MPP2: variants seen among roughly 807,000 people sequenced by gnomAD.
MPP2 encodes the protein MAGUK p55 subfamily member 2.
In MPP2, 42 loss-of-function variants were observed where a neutral mutation model predicts 58.5. That is an observed-to-expected ratio of 0.72 (90% CI 0.56 to 0.93). The LOEUF is 0.93. Among genes scored for constraint, MPP2 ranks in the 40% least tolerant of loss-of-function variants. MPP2 has a pLI of 0.00. For missense variants in MPP2, 632 were observed against 760.4 expected (o/e 0.83, Z 1.99); for synonymous variants, 300 against 307.8 (o/e 0.97, Z 0.26).
At chr17:43,892,005 G>A (rs2047627599) in intron 3 of MPP2, among the ~76,000 whole-genome samples, 1 of 152,182 alleles carries the variant, frequency 6.6e-6, no homozygotes, top group African/African-American at 2.4e-5. Context: ...GTCTGTAGCT[G>A]GAACACCTGC....
In MPP2 at chr17:43,881,494, G is replaced by C; in HGVS notation, c.777C>G (p.Leu259=). The C allele has an allele frequency of 6.2e-7, 1 of 1,614,172 alleles. No homozygotes were observed. Among genetic ancestry groups the C allele is most frequent in the Non-Finnish European group, 8.5e-7 (1 of 1,180,012 alleles). The change falls in exon 7 of 13, where the codon CTC becomes CTG. Residue 259 remains leucine (L), a synonymous_variant. Transcript: ENST00000269095. ...AGLRFNAGDL[L]QIVNQDDANW... ...TGGCATCATCCTGGTTTACGATCTGGAGCAAGTCCCCGGCGTTGAAGCGCA... is the reference window on the plus strand; with the variant it reads ...TGGCATCATCCTGGTTTACGATCTGCAGCAAGTCCCCGGCGTTGAAGCGCA...
upstream of MPP2, chr17:43,909,647 T>G (rs557592005): frequency 5.0e-5 from 71 of 1,424,098 alleles, no homozygotes; most frequent in African/African-American, 9.3e-4. Flanking sequence ...AACTCATTAT[T>G]CTTAGCGGCT....
intron 2 of MPP2, among the ~76,000 whole-genome samples, chr17:43,903,065 C>G (rs1345672699): frequency 1.3e-5 from 2 of 152,150 alleles, no homozygotes; most frequent in Non-Finnish European, 2.9e-5. Context: ...GCAGGTGGAT[C>G]ACCTGAGGTC....
chr17:43,886,032 C>T (rs1027459423), intron 3 of MPP2, among the ~76,000 whole-genome samples: 1 of 151,528 alleles, frequency 6.6e-6, no homozygotes, highest in African/African-American at 2.4e-5. Flanking sequence ...CACTTGGACC[C>T]GGGAGGCAGA....
chr17:43,905,798 C>T (rs1440290236), intron 1 of MPP2, among the ~76,000 whole-genome samples: 1 of 152,186 alleles, frequency 6.6e-6, no homozygotes, highest in Non-Finnish European at 1.5e-5. Context: ...ATAAAACCCT[C>T]TCTGCTCCCA....
chr17:43,880,017 G>A lies in MPP2; in HGVS notation c.1151-33C>T. On this transcript the variant is annotated intron_variant, in intron 10 of 12. Transcript: ENST00000269095. This position sits in a 1 kb window ranked among gnomAD's most constrained non-coding sequence, Gnocchi z 5.2. ...GATGGGGGTAGGTTGGACCAAATGGGCAGGGGCAGGTTACAGTGCCTCAGA... is the reference window on the plus strand; with the variant it reads ...GATGGGGGTAGGTTGGACCAAATGGACAGGGGCAGGTTACAGTGCCTCAGA... 6.2e-7 allele frequency: 1 copy of A among 1,608,044 alleles called. No homozygotes were observed.
Sources: gnomAD v4.1 joint callset for allele counts (sites outside exome capture counted in the v4.1 genomes callset) on GRCh38, gnomAD v4.1.1 for gene constraint, Gnocchi (gnomAD v3.1) non-coding constraint, MANE v1.5 for transcripts, NCBI Gene and HGNC (gene_info 2026-07-23, HGNC 2026-07-21) for gene names.